The following FAM222B variants were observed in gnomAD, a reference collection of about 807,000 sequenced individuals.
FAM222B encodes protein FAM222B.
FAM222B carries 12 observed loss-of-function variants against 38.0 expected under a neutral mutation model. That is an observed-to-expected ratio of 0.32 (90% CI 0.20 to 0.51). The LOEUF is 0.51. Among genes scored for constraint, FAM222B ranks in the 20% least tolerant of loss-of-function variants. FAM222B has a pLI of 0.97. For synonymous variants in FAM222B, 329 were observed against 317.2 expected, an observed-to-expected ratio of 1.04 and a Z score of -0.40; for missense variants, 716 against 754.2, an observed-to-expected ratio of 0.95 and a Z score of 0.59.
At position 28,759,004 on chromosome 17, in the gene FAM222B, T is replaced by A. The variant is rs779007369; in HGVS notation, c.955A>T (p.Met319Leu). 1 of 1,612,962 alleles carries A rather than the reference T, an allele frequency of 6.2e-7. No homozygotes were observed. ...ATGGGATTGACCACACATGAAGGCATTGGTGTGGGGACGCTGTGGGTCGAC... is the reference window on the plus strand; with the variant it reads ...ATGGGATTGACCACACATGAAGGCAATGGTGTGGGGACGCTGTGGGTCGAC... ...RVSTHSVPTP[M>L]PSCVVNPMEH... The change falls in exon 3 of 3, where the codon ATG (methionine) becomes TTG (leucine). Residue 319 changes from methionine to leucine, a missense_variant. By Grantham distance (15) the Met-to-Leu change is conservative. Transcript: ENST00000581407. This position sits in a 1 kb window ranked among gnomAD's most constrained non-coding sequence, Gnocchi z 4.8.
At chr17:28,788,496 C>T (rs1385206899) in intron 1 of FAM222B, among the ~76,000 whole-genome samples, 1 of 152,084 alleles carries the variant, frequency 6.6e-6, no homozygotes, top group Non-Finnish European at 1.5e-5. Flanking sequence ...GCCTCGGCCT[C>T]CCAAAGTGCT....
At chr17:28,764,982 G>T (rs1470522185) in intron 2 of FAM222B, among the ~76,000 whole-genome samples, 2 of 152,184 alleles carry the variant, frequency 1.3e-5, no homozygotes, top group Non-Finnish European at 2.9e-5. Context: ...GCACGATGCA[G>T]TTAGGATGCT....
intron 1 of FAM222B, 40 bp from the exon 2 acceptor site, chr17:28,766,747 C>T: frequency 1.7e-6 from 2 of 1,180,082 alleles, no homozygotes; most frequent in African/African-American, 1.5e-5. Flanking sequence ...CACAAGGCAA[C>T]TCATTCGAAG....
chr17:28,836,562 T>A (rs1355302475), intron 1 of FAM222B, among the ~76,000 whole-genome samples: 2 of 149,690 alleles, frequency 1.3e-5, no homozygotes, highest in African/African-American at 4.9e-5. Context: ...TTTTAAGGGA[T>A]CACAACTCTA....
At chr17:28,798,356 C>T (rs1364944908) in intron 1 of FAM222B, among the ~76,000 whole-genome samples, 3 of 151,802 alleles carry the variant, frequency 2.0e-5, no homozygotes, top group Non-Finnish European at 2.9e-5. Flanking sequence ...CACTCCAGCC[C>T]GGGCAAACAG....
At chr17:28,823,335 A>G in intron 1 of FAM222B, among the ~76,000 whole-genome samples, 1 of 151,312 alleles carries the variant, frequency 6.6e-6, no homozygotes. Flanking sequence ...TCTATATAGC[A>G]TTCAACAGAG....
At chr17:28,797,245 C>A (rs950993744) in intron 1 of FAM222B, among the ~76,000 whole-genome samples, 1 of 152,004 alleles carries the variant, frequency 6.6e-6, no homozygotes, top group Non-Finnish European at 1.5e-5. Flanking sequence ...ATCTGCCCAC[C>A]TCAGCTTCCT....
chr17:28,835,076 C>T (rs1292763753), intron 1 of FAM222B, among the ~76,000 whole-genome samples: 2 of 139,298 alleles, frequency 1.4e-5, no homozygotes, highest in Non-Finnish European at 3.2e-5. Flanking sequence ...GATGGAGTCA[C>T]GCTCTATCGC....
chr17:28,809,408 AAC>A (rs1374352555), intron 1 of FAM222B, among the ~76,000 whole-genome samples: 6 of 152,154 alleles, frequency 3.9e-5, no homozygotes, highest in African/African-American at 1.4e-4. Flanking sequence ...GTTGGATAAA[AAC>A]AGACTGCTAA....
intron 1 of FAM222B, among the ~76,000 whole-genome samples, chr17:28,821,729 A>G (rs1389394037): frequency 6.6e-6 from 1 of 152,162 alleles, no homozygotes; most frequent in South Asian, 2.1e-4. Context: ...TGGGAGGCTG[A>G]GGCAGGTGGA....
At chr17:28,803,706 G>A (rs1291395729) in intron 1 of FAM222B, among the ~76,000 whole-genome samples, 1 of 152,088 alleles carries the variant, frequency 6.6e-6, no homozygotes, top group Admixed American at 6.6e-5. Context: ...TCAGCCAGGT[G>A]CGGTGGCTCA....
chr17:28,772,746 T>C (rs2035697822), intron 1 of FAM222B, among the ~76,000 whole-genome samples: 1 of 151,096 alleles, frequency 6.6e-6, no homozygotes, highest in Admixed American at 6.6e-5. Flanking sequence ...AATAGAAAAA[T>C]TAGCTGGGCA....
rs926111292 is a variant in FAM222B at position 28,842,204 on chromosome 17, C to T, written c.-41+478G>A. Among the ~76,000 whole-genome samples the T allele has an allele frequency of 2.6e-5, 4 of 152,146 alleles. 1 individual carries two copies. In the South Asian group the frequency reaches 8.3e-4, roughly 32 times the overall value. The stretch of plus-strand genomic sequence containing the variant: ...TGGACTTCCTTTCGAACCTGCCTGA[C>T]TCTAAGCCCCTAGCTCTTTTCCCTA... On this transcript the variant is annotated intron_variant, in intron 1 of 2. Transcript: ENST00000581407.
intron 1 of FAM222B, among the ~76,000 whole-genome samples, chr17:28,804,144 T>C (rs1409594451): frequency 6.6e-6 from 1 of 152,232 alleles, no homozygotes; most frequent in East Asian, 1.9e-4. Flanking sequence ...TATCTTCTCC[T>C]CCCCTTGGCA....
intron 1 of FAM222B, among the ~76,000 whole-genome samples, chr17:28,824,172 C>T (rs938580072): frequency 3.3e-5 from 5 of 151,490 alleles, no homozygotes; most frequent in African/African-American, 9.7e-5. Flanking sequence ...CCACCACGCC[C>T]GGCCGAGAAT....
Position 28,759,052 on chromosome 17 carries a change from G to A in FAM222B, c.907C>T (p.Leu303Phe), listed in dbSNP as rs2034899092. 1 of 1,612,604 alleles carries A rather than the reference G, an allele frequency of 6.2e-7. No homozygotes were observed. The highest frequency in any genetic ancestry group is 1.1e-5 in the South Asian group (1 of 90,774). Residue 303 changes from leucine (L) to phenylalanine (F), a missense_variant, in exon 3 of 3, where the codon CTC (leucine) becomes TTC (phenylalanine). By Grantham distance (22) the Leu-to-Phe change is conservative. Transcript: ENST00000581407. This position sits in a 1 kb window ranked among gnomAD's most constrained non-coding sequence, Gnocchi z 4.8. The stretch of plus-strand genomic sequence containing the variant: ...GACACCCGGGTGCTTGCATTGATGA[G>A]CAGACTGCGACTAATGGGGCTGGGG... ...ANPSPISRSL[L>F]INASTRVSTH... is the part of the protein sequence containing the mutation.
At chr17:28,786,379 C>T (rs917273463) in intron 1 of FAM222B, among the ~76,000 whole-genome samples, 2 of 152,108 alleles carry the variant, frequency 1.3e-5, no homozygotes, top group African/African-American at 4.8e-5. Context: ...AGTGGTCAGA[C>T]TTTTATTCCC....
In FAM222B at chr17:28,758,906, G is replaced by A. The variant is rs762556068; in HGVS notation, c.1053C>T (p.Arg351=). The A allele has an allele frequency of 1.3e-5, 21 of 1,609,000 alleles. No individual in the cohort carries two copies. In the Middle Eastern group the frequency reaches 6.6e-4, roughly 50 times the overall value. ...GGTCGCTAGGGTAGCCAGTGGGGAC[G>A]CGAGAGATGCCTGTGGGCAGGTTGA... The part of the protein sequence containing the change: ...GPVNLPTGIS[R]VPTGYPSDLK... The change falls in exon 3 of 3, where the codon CGC becomes CGT. Residue 351 remains arginine (R), a synonymous_variant. Transcript: ENST00000581407.
chr17:28,806,930 T>G (rs1332446186), intron 1 of FAM222B, among the ~76,000 whole-genome samples: 1 of 152,202 alleles, frequency 6.6e-6, no homozygotes, highest in Admixed American at 6.5e-5. Flanking sequence ...GCCATTAGTT[T>G]TCCCTACTTC....
Sources: gnomAD v4.1 joint callset for allele counts (sites outside exome capture counted in the v4.1 genomes callset) on GRCh38, gnomAD v4.1.1 for gene constraint, Gnocchi (gnomAD v3.1) non-coding constraint, MANE v1.5 for transcripts, NCBI Gene and HGNC (gene_info 2026-07-23, HGNC 2026-07-21) for gene names.